STAC: variants seen among roughly 807,000 people sequenced by gnomAD.
STAC encodes SH3 and cysteine rich domain, also known as SH3 and cysteine-rich domain-containing protein.
Under a neutral mutation model 48.8 loss-of-function variants are expected in STAC, and 43 were observed. The ratio of observed to expected loss-of-function variants is 0.88; its 90% CI spans 0.69 to 1.14. STAC has a LOEUF of 1.14. STAC is among the 50% of genes most tolerant of loss of function. The probability of loss-of-function intolerance (pLI) is 0.00; values close to 1 mark genes in which losing one functional copy is unlikely to be tolerated. For synonymous variants in STAC, 193 were observed against 179.5 expected (o/e 1.07, Z -0.60); for missense variants, 497 against 504.0 (o/e 0.99, Z 0.13).
chr3:36,527,404 T>C (rs1049029326), intron 8 of STAC, among the ~76,000 whole-genome samples: 4 of 152,014 alleles, frequency 2.6e-5, no homozygotes, highest in African/African-American at 9.7e-5. Context: ...TCAGAAATAA[T>C]AAAGAACCCT....
At chr3:36,386,582 G>A in intron 1 of STAC, among the ~76,000 whole-genome samples, 1 of 151,852 alleles carries the variant, frequency 6.6e-6, no homozygotes, top group Non-Finnish European at 1.5e-5. Flanking sequence ...GTTATTATTT[G>A]CCTTTCACAG....
intron 2 of STAC, among the ~76,000 whole-genome samples, chr3:36,454,158 C>A (rs904378489): frequency 5.3e-5 from 8 of 152,184 alleles, no homozygotes; most frequent in African/African-American, 1.9e-4. Flanking sequence ...GATCCTCTTC[C>A]ACGCTGTGGA....
At chr3:36,466,166 A>G (rs1697163123) in intron 2 of STAC, among the ~76,000 whole-genome samples, 1 of 152,094 alleles carries the variant, frequency 6.6e-6, no homozygotes, top group Admixed American at 6.6e-5. Flanking sequence ...TCTTTTCTCC[A>G]CTGTATGTTT....
chr3:36,439,931 G>A (rs1696291831), intron 1 of STAC, among the ~76,000 whole-genome samples: 1 of 152,152 alleles, frequency 6.6e-6, no homozygotes, highest in African/African-American at 2.4e-5. Flanking sequence ...CAATAACTCA[G>A]GGACACCTCC....
In STAC at chr3:36,448,157, A is replaced by AATTTTATTTTATTTTATTTT. The variant is rs368503712; in HGVS notation, c.388+4529_388+4548dup. ...AGAATCCTACTAATTATGGTCACAG[A>AATTTTATTTTATTTTATTTT]ATTTTATTTTATTTTATTTTATTTT... On this transcript the variant is annotated intron_variant, in intron 2 of 10. Coordinates refer to ENST00000273183, the MANE Select transcript of STAC (RefSeq NM_003149.3). Among the ~76,000 whole-genome samples the AATTTTATTTTATTTTATTTT allele has an allele frequency of 7.5e-3, 1,114 of 148,212 alleles. 9 individuals carry two copies. The highest frequency in any genetic ancestry group is 0.012 in the Non-Finnish European group (815 of 66,894).
intron 5 of STAC, among the ~76,000 whole-genome samples, chr3:36,492,873 C>T (rs921081770): frequency 6.6e-6 from 1 of 152,202 alleles, no homozygotes; most frequent in African/African-American, 2.4e-5. Flanking sequence ...TGGGAAGAAG[C>T]CTGGCTGTGG....
intron 1 of STAC, among the ~76,000 whole-genome samples, chr3:36,416,813 A>C (rs1334359878): frequency 1.3e-5 from 2 of 152,164 alleles, no homozygotes; most frequent in African/African-American, 4.8e-5. Context: ...GTATGTGGTC[A>C]GGGAAGCAAA....
intron 8 of STAC, among the ~76,000 whole-genome samples, chr3:36,514,200 C>CCTT (rs1223516030): frequency 8.4e-6 from 1 of 118,756 alleles, no homozygotes; most frequent in East Asian, 3.0e-4. Flanking sequence ...TCTACACTGG[C>CCTT]CTTCTTTTTT....
intron 2 of STAC, among the ~76,000 whole-genome samples, chr3:36,470,081 A>G (rs1277064777): frequency 1.3e-5 from 2 of 152,086 alleles, no homozygotes; most frequent in South Asian, 2.1e-4. Flanking sequence ...CAGAGATTTC[A>G]TCTTGGTTTA....
intron 1 of STAC, among the ~76,000 whole-genome samples, chr3:36,436,035 C>T (rs1325867796): frequency 6.6e-6 from 1 of 152,200 alleles, no homozygotes; most frequent in African/African-American, 2.4e-5. Context: ...CATCTAGTCT[C>T]ATGGTTTTAA....
intron 8 of STAC, among the ~76,000 whole-genome samples, chr3:36,526,867 G>A (rs1392163482): frequency 2.6e-5 from 4 of 152,144 alleles, no homozygotes; most frequent in African/African-American, 9.7e-5. Flanking sequence ...GCTCTACTTA[G>A]GAGAAAAATA....
chr3:36,523,712 A>C (rs1269070834), intron 8 of STAC, among the ~76,000 whole-genome samples: 1 of 152,226 alleles, frequency 6.6e-6, no homozygotes, highest in Non-Finnish European at 1.5e-5. Context: ...AGCATGAAAC[A>C]ACTGAGGGCA....
chr3:36,538,464 G>T (rs1699249070), intron 10 of STAC, among the ~76,000 whole-genome samples: 2 of 152,174 alleles, frequency 1.3e-5, no homozygotes, highest in South Asian at 2.1e-4. Flanking sequence ...ATTGATAACT[G>T]CAATGAACAT....
intron 8 of STAC, among the ~76,000 whole-genome samples, chr3:36,520,285 G>A (rs1698769941): frequency 6.6e-6 from 1 of 152,154 alleles, no homozygotes; most frequent in Non-Finnish European, 1.5e-5. Context: ...TAGACCTAGA[G>A]AGTCAAATCC....
At chr3:36,513,221 C>T (rs116669947) in intron 8 of STAC, among the ~76,000 whole-genome samples, 4 of 152,138 alleles carry the variant, frequency 2.6e-5, no homozygotes, top group Non-Finnish European at 4.4e-5. Flanking sequence ...GACCTCTCCC[C>T]GAACCTCCAG....
At chr3:36,442,236 C>A (rs1226264558) in intron 1 of STAC, among the ~76,000 whole-genome samples, 2 of 152,194 alleles carry the variant, frequency 1.3e-5, no homozygotes, top group Non-Finnish European at 2.9e-5. Context: ...CAGCTTCTTC[C>A]AGTTTCCTTT....
intron 2 of STAC, among the ~76,000 whole-genome samples, chr3:36,458,473 G>A (rs1260269284): frequency 1.3e-5 from 2 of 152,184 alleles, no homozygotes; most frequent in African/African-American, 2.4e-5. Flanking sequence ...GAGGGCATTT[G>A]TAAGCCCTGG....
chr3:36,458,951 G>C (rs1295677390), intron 2 of STAC, among the ~76,000 whole-genome samples: 1 of 152,196 alleles, frequency 6.6e-6, no homozygotes, highest in Non-Finnish European at 1.5e-5. Flanking sequence ...ATTCCTAACA[G>C]GGTCTCAGGT....
chr3:36,501,213 G>A (rs962460346), intron 6 of STAC, among the ~76,000 whole-genome samples: 2 of 151,972 alleles, frequency 1.3e-5, no homozygotes, highest in African/African-American at 4.8e-5. Context: ...GCTAAAGTTG[G>A]GATTTGAGTA....
Sources: allele counts gnomAD v4.1 joint callset (sites outside exome capture counted in the v4.1 genomes callset), GRCh38; gene constraint gnomAD v4.1.1; transcripts MANE v1.5; gene names NCBI Gene and HGNC (gene_info 2026-07-23, HGNC 2026-07-21).